Variants in AP1AR observed in about 807,000 individuals in gnomAD.
The protein encoded by AP1AR is AP-1 complex-associated regulatory protein.
AP1AR carries 29 observed loss-of-function variants against 46.3 expected under a neutral mutation model. The observed-to-expected ratio is 0.63, with a 90% CI of 0.47 to 0.85. The LOEUF is 0.85. Ranked by LOEUF, AP1AR falls within the 40% of genes least tolerant of loss-of-function variation. The probability of loss-of-function intolerance (pLI) is 0.00; values close to 1 mark genes in which losing one functional copy is unlikely to be tolerated. For synonymous variants in AP1AR, 122 were observed against 122.9 expected, an observed-to-expected ratio of 0.99 and a Z score of 0.05; for missense variants, 357 against 356.3, an observed-to-expected ratio of 1.00 and a Z score of -0.02.
chr4:112,260,638 G>A, intron 4 of AP1AR, 128 bp from the exon 5 acceptor site: 1 of 557,688 alleles, frequency 1.8e-6, no homozygotes, highest in Non-Finnish European at 3.1e-6. Flanking sequence ...TGAAGTTGTA[G>A]CAAATTGCTT....
At chr4:112,260,244 G>A (rs1726381407) in intron 4 of AP1AR, among the ~76,000 whole-genome samples, 1 of 152,150 alleles carries the variant, frequency 6.6e-6, no homozygotes, top group Admixed American at 6.5e-5. Context: ...TGTCCATATT[G>A]GTTGTAAGTG....
chr4:112,248,128 C>G (rs1271784788), intron 1 of AP1AR, among the ~76,000 whole-genome samples: 2 of 151,700 alleles, frequency 1.3e-5, no homozygotes, highest in Non-Finnish European at 2.9e-5. Flanking sequence ...TAAATAATAC[C>G]AAGAGGAAAA....
At chr4:112,249,426 G>T (rs1228921370) in intron 1 of AP1AR, among the ~76,000 whole-genome samples, 1 of 151,768 alleles carries the variant, frequency 6.6e-6, no homozygotes, top group Admixed American at 6.6e-5. Context: ...TTGGGAGGCC[G>T]AGGTGGGTGG....
At chr4:112,245,104 T>C (rs1240080619) in intron 1 of AP1AR, among the ~76,000 whole-genome samples, 2 of 152,170 alleles carry the variant, frequency 1.3e-5, no homozygotes, top group Admixed American at 1.3e-4. Flanking sequence ...AAGCAGTTAC[T>C]ATTGAAAATA....
chr4:112,271,731 T>G lies in AP1AR; in HGVS notation c.*3322T>G, dbSNP rs1222314439. On this transcript the variant is annotated 3_prime_UTR_variant, in exon 10 of 10. Coordinates refer to ENST00000274000, the MANE Select transcript of AP1AR (RefSeq NM_018569.6). ...ATTTGAAAAGTTAACTTTGAGGTGTTCATAAGATATTTGGATGAAGATGTC... is the reference window on the plus strand; with the variant it reads ...ATTTGAAAAGTTAACTTTGAGGTGTGCATAAGATATTTGGATGAAGATGTC... Among the ~76,000 whole-genome samples, 1 of 152,182 alleles carries G rather than the reference T, an allele frequency of 6.6e-6. No homozygotes were observed. Among genetic ancestry groups the G allele is most frequent in the Non-Finnish European group, 1.5e-5 (1 of 68,030 alleles).
chr4:112,241,068 T>C (rs1395849099), intron 1 of AP1AR, among the ~76,000 whole-genome samples: 1 of 152,216 alleles, frequency 6.6e-6, no homozygotes, highest in Admixed American at 6.5e-5. Flanking sequence ...AATCAGGCTC[T>C]TAAAAGGCAA....
chr4:112,252,348 T>G (rs560384273), intron 1 of AP1AR, among the ~76,000 whole-genome samples: 1 of 152,352 alleles, frequency 6.6e-6, no homozygotes, highest in Admixed American at 6.5e-5. Flanking sequence ...TAAGAACACT[T>G]AGTACAAATT....
intron 1 of AP1AR, among the ~76,000 whole-genome samples, chr4:112,239,817 T>A (rs1320957323): frequency 6.6e-6 from 1 of 152,244 alleles, no homozygotes; most frequent in Non-Finnish European, 1.5e-5. Context: ...TCTCCCTTAA[T>A]AGAGTATAAA....
Position 112,271,333 on chromosome 4 carries a change from C to T in AP1AR, c.*2924C>T, listed in dbSNP as rs1431545594. 6.6e-6 allele frequency among the ~76,000 whole-genome samples: 1 copy of T among 152,200 alleles called. No individual in the cohort carries two copies. Among genetic ancestry groups the T allele is most frequent in the Non-Finnish European group, 1.5e-5 (1 of 68,030 alleles). Reference sequence around the variant, plus strand: ...TTCTCATCCAGCTGGTTTCCAGTGACCTCACTCTCATTCAGGTGCAGATAC... The same window carrying T: ...TTCTCATCCAGCTGGTTTCCAGTGATCTCACTCTCATTCAGGTGCAGATAC... On this transcript the variant is annotated 3_prime_UTR_variant, in exon 10 of 10. Coordinates refer to ENST00000274000, the MANE Select transcript of AP1AR (RefSeq NM_018569.6).
chr4:112,233,308 A>C (rs768549384), intron 1 of AP1AR, among the ~76,000 whole-genome samples: 6 of 152,232 alleles, frequency 3.9e-5, no homozygotes, highest in Non-Finnish European at 5.9e-5. Context: ...AAGGTTTTAC[A>C]CTAAGTATCC....
At chr4:112,267,581 A>C (rs892346127) in intron 9 of AP1AR, among the ~76,000 whole-genome samples, 2 of 151,860 alleles carry the variant, frequency 1.3e-5, no homozygotes, top group Admixed American at 6.6e-5. Flanking sequence ...TAGCTGTGTG[A>C]CCTTACCCAA....
chr4:112,232,981 T>C (rs1175590706), intron 1 of AP1AR, among the ~76,000 whole-genome samples: 2 of 152,198 alleles, frequency 1.3e-5, no homozygotes, highest in Admixed American at 6.5e-5. Context: ...TCATATATAT[T>C]GAAAAAATTA....
intron 1 of AP1AR, among the ~76,000 whole-genome samples, chr4:112,239,352 T>C (rs900365096): frequency 6.6e-6 from 1 of 152,202 alleles, no homozygotes. Flanking sequence ...TGAGAAGTGT[T>C]TCCTCACTTC....
At position 112,232,070 on chromosome 4, in the gene AP1AR, G is replaced by C. The variant is rs1725025099; in HGVS notation, c.-22G>C. 1.5e-6 allele frequency: 2 copies of C among 1,352,092 alleles called. No homozygotes were observed. Among genetic ancestry groups the C allele is most frequent in the Admixed American group, 3.4e-5 (1 of 29,140 alleles). The allele number at this position is 1,352,092 out of a possible 1,614,324, so 83.8% of individuals were successfully genotyped here. On this transcript the variant is annotated 5_prime_UTR_variant, in exon 1 of 10. Transcript: ENST00000274000. ...ATTGAGCGGGAGGAGGAGGAGGAGCGGCGGCGCCTGGGCGGCATGCGATGG... is the reference window on the plus strand; with the variant it reads ...ATTGAGCGGGAGGAGGAGGAGGAGCCGCGGCGCCTGGGCGGCATGCGATGG...
intron 9 of AP1AR, 62 bp from the exon 10 acceptor site, chr4:112,268,082 A>G (rs992655683): frequency 6.9e-7 from 1 of 1,441,202 alleles, no homozygotes; most frequent in Non-Finnish European, 9.2e-7. Context: ...TAAATTTGGG[A>G]GTTTTTAAAT....
At chr4:112,241,727 A>G (rs1203899377) in intron 1 of AP1AR, among the ~76,000 whole-genome samples, 1 of 152,192 alleles carries the variant, frequency 6.6e-6, no homozygotes, top group African/African-American at 2.4e-5. Flanking sequence ...ACATCACCTT[A>G]TGTCACTGCT....
intron 5 of AP1AR, among the ~76,000 whole-genome samples, chr4:112,262,281 TG>T (rs1726484391): frequency 6.6e-6 from 1 of 152,250 alleles, no homozygotes; most frequent in Non-Finnish European, 1.5e-5. Flanking sequence ...TACTGCAGGC[TG>T]GGTGACAGAA....
intron 2 of AP1AR, among the ~76,000 whole-genome samples, chr4:112,254,037 T>C (rs373250206): frequency 7.0e-4 from 107 of 152,364 alleles, no homozygotes; most frequent in African/African-American, 2.5e-3. Flanking sequence ...CTAAACCTTT[T>C]GAATTCATTG....
At position 112,231,858 on chromosome 4, in the gene AP1AR, G is replaced by A. The variant is rs1236298565; in HGVS notation, c.-234G>A. ...CGAGGGAGTCCAGAGCCTTGAGCCC[G>A]GTGCTCCTCCCTCGCGCAGCGGTGG... On this transcript the variant is annotated 5_prime_UTR_variant, in exon 1 of 10. Transcript: ENST00000274000. 4 of 389,460 alleles carry A rather than the reference G, an allele frequency of 1.0e-5. No individual in the cohort carries two copies. The highest frequency in any genetic ancestry group is 4.1e-5 in the African/African-American group (2 of 48,306). The allele number at this position is 389,460 out of a possible 1,614,324, so 24.1% of individuals were successfully genotyped here.
Sources: gnomAD v4.1 joint callset for allele counts (sites outside exome capture counted in the v4.1 genomes callset) on GRCh38, gnomAD v4.1.1 for gene constraint, MANE v1.5 for transcripts, NCBI Gene and HGNC (gene_info 2026-07-23, HGNC 2026-07-21) for gene names.